PCDH15: variants seen among roughly 807,000 people sequenced by gnomAD.
PCDH15 encodes protocadherin related 15.
A neutral mutation model predicts 178.5 loss-of-function variants in PCDH15; 129 were observed. The ratio of observed to expected loss-of-function variants is 0.72; its 90% CI spans 0.63 to 0.84. The LOEUF (loss-of-function observed/expected upper bound fraction) is 0.84. Ranked by LOEUF, PCDH15 falls within the 40% of genes least tolerant of loss-of-function variation. The pLI is 0.00. For synonymous variants in PCDH15, 800 were observed against 732.0 expected (o/e 1.09, Z -1.50); for missense variants, 2,230 against 2,099.9 (o/e 1.06, Z -1.21).
intron 8 of PCDH15, among the ~76,000 whole-genome samples, chr10:54,244,656 C>A (rs1317271994): frequency 6.6e-6 from 1 of 152,172 alleles, no homozygotes; most frequent in Non-Finnish European, 1.5e-5. Context: ...TTTCTTACAA[C>A]CCTTTCTCAC....
intron 2 of PCDH15, among the ~76,000 whole-genome samples, chr10:55,429,745 G>C (rs1413267036): frequency 1.3e-5 from 2 of 152,054 alleles, no homozygotes; most frequent in African/African-American, 4.8e-5. Context: ...TCTAGCTACA[G>C]TTTAATATGA....
At chr10:53,911,072 C>G (rs2083053660) in intron 25 of PCDH15, among the ~76,000 whole-genome samples, 1 of 152,104 alleles carries the variant, frequency 6.6e-6, no homozygotes, top group South Asian at 2.1e-4. Context: ...AGAATGGAAC[C>G]AAGCTGAGAA....
chr10:54,544,524 T>G, intron 2 of PCDH15, among the ~76,000 whole-genome samples: 1 of 152,198 alleles, frequency 6.6e-6, no homozygotes, highest in Admixed American at 6.5e-5. Context: ...CCTGCAATTT[T>G]GAATATCTGC....
chr10:55,273,042 A>G (rs1019010817), intron 1 of PCDH15, among the ~76,000 whole-genome samples: 11 of 152,034 alleles, frequency 7.2e-5, no homozygotes, highest in Non-Finnish European at 5.9e-5. Flanking sequence ...TTATAAGCCC[A>G]AGCAGATTGT....
At chr10:55,621,743 T>C (rs1013137476) in intron 2 of PCDH15, among the ~76,000 whole-genome samples, 29 of 151,610 alleles carry the variant, frequency 1.9e-4, no homozygotes, top group South Asian at 4.2e-4. Flanking sequence ...ACAAAACTGG[T>C]CCCTGGTGCC....
intron 2 of PCDH15, among the ~76,000 whole-genome samples, chr10:55,133,083 T>C (rs77602951): frequency 1.3e-5 from 2 of 152,220 alleles, no homozygotes; most frequent in Admixed American, 1.3e-4. Flanking sequence ...CTCGATTTGA[T>C]TGATGCTTGA....
At chr10:54,049,719 C>A (rs541961175) in intron 18 of PCDH15, among the ~76,000 whole-genome samples, 1 of 151,804 alleles carries the variant, frequency 6.6e-6, no homozygotes, top group East Asian at 1.9e-4. Flanking sequence ...CTCCTGGGTT[C>A]AAACAATTCT....
intron 2 of PCDH15, among the ~76,000 whole-genome samples, chr10:55,394,755 G>C (rs1837880780): frequency 6.6e-6 from 1 of 151,702 alleles, no homozygotes; most frequent in Non-Finnish European, 1.5e-5. Context: ...GGTAAGCAGA[G>C]TGCTAATTGT....
At chr10:55,134,347 A>G (rs1159296965) in intron 2 of PCDH15, among the ~76,000 whole-genome samples, 1 of 152,176 alleles carries the variant, frequency 6.6e-6, no homozygotes, top group Non-Finnish European at 1.5e-5. Context: ...TCTCAGTAAG[A>G]CAAATTAGTG....
intron 13 of PCDH15, among the ~76,000 whole-genome samples, chr10:54,154,343 G>A (rs1358651277): frequency 6.6e-6 from 1 of 152,024 alleles, no homozygotes; most frequent in African/African-American, 2.4e-5. Context: ...GTTTTCTGTG[G>A]AATAAAGAAA....
intron 2 of PCDH15, among the ~76,000 whole-genome samples, chr10:55,037,466 T>C (rs1466332970): frequency 6.6e-6 from 1 of 152,134 alleles, no homozygotes; most frequent in Non-Finnish European, 1.5e-5. Flanking sequence ...ACTGCTGACC[T>C]CGTGATGCGC....
chr10:54,837,194 A>C (rs114287897), intron 3 of PCDH15, among the ~76,000 whole-genome samples: 98 of 152,256 alleles, frequency 6.4e-4, no homozygotes, highest in African/African-American at 2.3e-3. Context: ...CAAAACTAAA[A>C]GTTAGTAGAC....
intron 2 of PCDH15, among the ~76,000 whole-genome samples, chr10:55,052,409 AG>A (rs969966803): frequency 6.6e-6 from 1 of 151,496 alleles, no homozygotes; most frequent in African/African-American, 2.4e-5. Flanking sequence ...GGATTTTAAA[AG>A]TATATGAGGC....
intron 25 of PCDH15, among the ~76,000 whole-genome samples, chr10:53,934,175 A>T (rs1463248579): frequency 6.6e-6 from 1 of 152,158 alleles, no homozygotes; most frequent in Non-Finnish European, 1.5e-5. Flanking sequence ...AAGATTCAAC[A>T]CTTGTATACT....
At chr10:55,041,411 G>A (rs1840861123) in intron 2 of PCDH15, among the ~76,000 whole-genome samples, 2 of 152,110 alleles carry the variant, frequency 1.3e-5, no homozygotes, top group Non-Finnish European at 1.5e-5. Flanking sequence ...TCATTAATCT[G>A]AAGGGTTCTT....
intron 27 of PCDH15, among the ~76,000 whole-genome samples, chr10:53,858,558 T>C (rs1239613637): frequency 1.3e-5 from 2 of 152,282 alleles, no homozygotes; most frequent in East Asian, 3.9e-4. Context: ...AAATATTTTG[T>C]AAAATGTTTG....
At chr10:54,173,092 A>G (rs1590952463) in intron 13 of PCDH15, among the ~76,000 whole-genome samples, 1 of 152,204 alleles carries the variant, frequency 6.6e-6, no homozygotes, top group African/African-American at 2.4e-5. Context: ...AATTTATCAA[A>G]TGGGAAACCT....
chr10:55,003,416 A>G (rs967657226), intron 2 of PCDH15, among the ~76,000 whole-genome samples: 3 of 152,104 alleles, frequency 2.0e-5, no homozygotes, highest in African/African-American at 7.2e-5. Flanking sequence ...GAACTAATGG[A>G]GGACAGAAAT....
chr10:55,626,212 G>C (rs1837526673), intron 2 of PCDH15, among the ~76,000 whole-genome samples: 1 of 152,042 alleles, frequency 6.6e-6, no homozygotes, highest in Non-Finnish European at 1.5e-5. Flanking sequence ...GCACAAAGCA[G>C]CAGCAGCAGT....
Sources: allele counts gnomAD v4.1 joint callset (sites outside exome capture counted in the v4.1 genomes callset), GRCh38; gene constraint gnomAD v4.1.1; transcripts MANE v1.5; gene names NCBI Gene and HGNC (gene_info 2026-07-23, HGNC 2026-07-21).